MLLT3: variants seen among roughly 807,000 people sequenced by gnomAD.
MLLT3 encodes the protein MLLT3 super elongation complex subunit, also known as protein AF-9.
A neutral mutation model predicts 53.2 loss-of-function variants in MLLT3; 4 were observed. The observed-to-expected ratio is 0.08, with a 90% CI of 0.04 to 0.17. MLLT3 has a LOEUF of 0.17. Among genes scored for constraint, MLLT3 ranks in the 10% least tolerant of loss-of-function variants. The pLI is 1.00. For missense variants in MLLT3, 569 were observed against 684.0 expected (o/e 0.83, Z 1.87); for synonymous variants, 283 against 230.6 (o/e 1.23, Z -2.06).
chr9:20,463,910 C>T (rs900029930), intron 2 of MLLT3, among the ~76,000 whole-genome samples: 1 of 151,880 alleles, frequency 6.6e-6, no homozygotes, highest in African/African-American at 2.4e-5. Context: ...GAACTGTTCC[C>T]ATATTTGGTG....
At chr9:20,373,795 T>C (rs1227248872) in intron 5 of MLLT3, among the ~76,000 whole-genome samples, 2 of 152,134 alleles carry the variant, frequency 1.3e-5, no homozygotes, top group East Asian at 3.9e-4. Context: ...TTATCTCTTC[T>C]TTCACAAATA....
At chr9:20,495,000 T>G (rs970090278) in intron 2 of MLLT3, among the ~76,000 whole-genome samples, 1 of 152,144 alleles carries the variant, frequency 6.6e-6, no homozygotes, top group Admixed American at 6.5e-5. Context: ...CCCACTTTCA[T>G]AAATTAAAAA....
intron 2 of MLLT3, among the ~76,000 whole-genome samples, chr9:20,478,671 G>A (rs556321990): frequency 6.6e-6 from 1 of 152,316 alleles, no homozygotes; most frequent in South Asian, 2.1e-4. Context: ...CCGTGAATAA[G>A]ATGACCTGGT....
intron 5 of MLLT3, among the ~76,000 whole-genome samples, chr9:20,408,225 TG>T (rs932695385): frequency 3.3e-5 from 5 of 151,942 alleles, no homozygotes; most frequent in African/African-American, 1.2e-4. Context: ...GATACCACAC[TG>T]GCCCTAGTAT....
At chr9:20,359,049 G>A (rs1320931424) in intron 8 of MLLT3, among the ~76,000 whole-genome samples, 2 of 149,286 alleles carry the variant, frequency 1.3e-5, no homozygotes, top group Admixed American at 6.8e-5. Context: ...CGGGGCTGAG[G>A]CAGGAGAATC....
rs975464732 is a variant in MLLT3 at position 20,344,875 on chromosome 9, C to T, written c.*1568G>A. On this transcript the variant is annotated 3_prime_UTR_variant, in exon 11 of 11. Coordinates refer to ENST00000380338, the MANE Select transcript of MLLT3 (RefSeq NM_004529.4). ...GGCATGGGAACAAACAAGGGAGATACTGGTCTATTAGCACACATAGAGACT... is the reference window on the plus strand; with the variant it reads ...GGCATGGGAACAAACAAGGGAGATATTGGTCTATTAGCACACATAGAGACT... 5 of 211,958 alleles carry T rather than the reference C, an allele frequency of 2.4e-5. No individual in the cohort carries two copies. The highest frequency in any genetic ancestry group is 2.9e-5 in the Non-Finnish European group (3 of 104,742). 13.1% of individuals were successfully genotyped at this position (211,958 alleles called of 1,614,324 possible).
chr9:20,415,093 G>T (rs1002442734), intron 4 of MLLT3, among the ~76,000 whole-genome samples: 22 of 152,024 alleles, frequency 1.4e-4, no homozygotes, highest in Non-Finnish European at 7.4e-5. Context: ...AAATGGCTTT[G>T]CAATATAAGG....
At chr9:20,444,929 A>ATT (rs113540735) in intron 4 of MLLT3, among the ~76,000 whole-genome samples, 65 of 147,894 alleles carry the variant, frequency 4.4e-4, no homozygotes, top group Admixed American at 1.3e-3. Context: ...CTGTCTCTAC[A>ATT]TTTTTTTTTT....
intron 2 of MLLT3, among the ~76,000 whole-genome samples, chr9:20,538,557 A>T (rs1469711801): frequency 6.6e-6 from 1 of 152,234 alleles, no homozygotes; most frequent in Non-Finnish European, 1.5e-5. Flanking sequence ...TTGAAAAAGT[A>T]AATTCGTATA....
intron 2 of MLLT3, among the ~76,000 whole-genome samples, chr9:20,473,535 T>C (rs1298417277): frequency 6.6e-6 from 1 of 152,042 alleles, no homozygotes; most frequent in Non-Finnish European, 1.5e-5. Context: ...CAGGAAGACA[T>C]AGACACAGTC....
intron 4 of MLLT3, chr9:20,418,511 G>A (rs1411909670): frequency 6.6e-6 from 1 of 152,214 alleles, no homozygotes; most frequent in Non-Finnish European, 1.5e-5. Flanking sequence ...TAGCTCTGGG[G>A]GCAGCAGGCA....
chr9:20,455,717 T>C (rs1429750012), intron 3 of MLLT3, among the ~76,000 whole-genome samples: 3 of 152,156 alleles, frequency 2.0e-5, no homozygotes, highest in Non-Finnish European at 4.4e-5. Context: ...GAATATGATA[T>C]AATAATTAGC....
rs138199624 is a variant in MLLT3, at chr9:20,520,113, C to T, written c.194-63327G>A. ...TAACACAGGAACAGAAAGCCAAATA[C>T]CACATGTTCTCACTTATAAGTGGGA... On this transcript the variant is annotated intron_variant, in intron 2 of 10. Coordinates refer to ENST00000380338, the MANE Select transcript of MLLT3 (RefSeq NM_004529.4). Among the ~76,000 whole-genome samples, 273 of 152,202 alleles carry T rather than the reference C, an allele frequency of 1.8e-3. 6 individuals carry two copies. In the East Asian group the frequency reaches 0.046, roughly 25 times the overall value.
intron 3 of MLLT3, among the ~76,000 whole-genome samples, chr9:20,455,927 CTTTTTTTT>C (rs780438955): frequency 8.6e-6 from 1 of 116,874 alleles, no homozygotes; most frequent in African/African-American, 3.3e-5. Context: ...CTGCTAAAAA[CTTTTTTTT>C]TTTTTTTTTT....
chr9:20,488,824 G>A (rs1167274494), intron 2 of MLLT3, among the ~76,000 whole-genome samples: 1 of 152,138 alleles, frequency 6.6e-6, no homozygotes, highest in Non-Finnish European at 1.5e-5. Context: ...TCAGATAAAT[G>A]GTGAGTGGAC....
At chr9:20,503,537 A>G (rs1388179993) in intron 2 of MLLT3, among the ~76,000 whole-genome samples, 3 of 152,210 alleles carry the variant, frequency 2.0e-5, no homozygotes, top group African/African-American at 4.8e-5. Context: ...AAATATAAAA[A>G]TCAACTCAAA....
At chr9:20,483,654 A>G (rs571400359) in intron 2 of MLLT3, among the ~76,000 whole-genome samples, 14 of 150,030 alleles carry the variant, frequency 9.3e-5, no homozygotes, top group East Asian at 3.9e-4. Flanking sequence ...AAGACTCAAT[A>G]TGACTTGATG....
In MLLT3 at chr9:20,354,796, C is replaced by A. The variant is rs1821122040; in HGVS notation, c.1503+12G>T. The stretch of plus-strand genomic sequence containing the variant: ...GTGTTGGAGCCCTCCTAGTAACAGA[C>A]TAGAAACCTACCTTGTCACATTCAC... On this transcript the variant is annotated intron_variant, in intron 9 of 10. Transcript: ENST00000380338. The A allele has an allele frequency of 6.3e-7, 1 of 1,591,996 alleles. No homozygotes were observed. The highest frequency in any genetic ancestry group is 1.4e-5 in the African/African-American group (1 of 73,938).
rs74413383 is a variant in MLLT3 at position 20,549,728 on chromosome 9, A to G, written c.193+70926T>C. 0.01 allele frequency among the ~76,000 whole-genome samples: 1,538 copies of G among 152,322 alleles called. 59 individuals carry two copies. In the East Asian group the frequency reaches 0.13, roughly 13 times the overall value. On this transcript the variant is annotated intron_variant, in intron 2 of 10. Transcript: ENST00000380338. ...TCACCTTGGCTGGTCTGAGAATTAT[A>G]AAGACCACTACCTACTCAGACCTTT...
Sources: gnomAD v4.1 joint callset for allele counts (sites outside exome capture counted in the v4.1 genomes callset) on GRCh38, gnomAD v4.1.1 for gene constraint, MANE v1.5 for transcripts, NCBI Gene and HGNC (gene_info 2026-07-23, HGNC 2026-07-21) for gene names.